The following HERC4 variants were observed in gnomAD, a reference collection of about 807,000 sequenced individuals.
The protein encoded by HERC4 is probable E3 ubiquitin-protein ligase HERC4.
A neutral mutation model predicts 124.3 loss-of-function variants in HERC4; 28 were observed. That is an observed-to-expected ratio of 0.23 (90% CI 0.17 to 0.31). The LOEUF is 0.31. HERC4 is among the 10% of genes least tolerant of loss of function. The probability of loss-of-function intolerance (pLI) is 1.00; values close to 1 mark genes in which losing one functional copy is unlikely to be tolerated. For missense variants in HERC4, 713 were observed against 1,229.3 expected (o/e 0.58, Z 6.28); for synonymous variants, 407 against 421.5 (o/e 0.97, Z 0.42).
At chr10:67,955,388 A>C (rs1365551715) in intron 17 of HERC4, 1 of 284,100 alleles carries the variant, frequency 3.5e-6, no homozygotes, top group African/African-American at 2.2e-5. Flanking sequence ...GAACGGTAGT[A>C]ATACTGATAA....
rs1296434929 is a variant in HERC4, at chr10:67,932,734, C to T, written c.2701G>A (p.Val901Met). ...AYVDYIFNKS[V>M]ASLFDAFHAG... The stretch of plus-strand genomic sequence containing the variant: ...TGAAAAGCATCAAATAAGGAAGCCA[C>T]TGATTTATTGAATATGTAATCCACA... The change falls in exon 23 of 25, where the codon GTG (valine) becomes ATG (methionine). Residue 901 changes from valine to methionine, a missense_variant. By Grantham distance (21) the Val-to-Met change is conservative. Transcript: ENST00000373700. 1.2e-6 allele frequency: 2 copies of T among 1,604,604 alleles called. No homozygotes were observed. The highest frequency in any genetic ancestry group is 2.2e-5 in the East Asian group (1 of 44,658).
chr10:68,010,490 C>G, intron 9 of HERC4: 1 of 956,584 alleles, frequency 1.0e-6, no homozygotes, highest in East Asian at 2.6e-5. Flanking sequence ...CCTTCTAGAG[C>G]CCAAGCTGCT....
chr10:67,973,473 T>C (rs1314541557), intron 15 of HERC4, among the ~76,000 whole-genome samples: 3 of 152,260 alleles, frequency 2.0e-5, no homozygotes, highest in African/African-American at 2.4e-5. Context: ...AGTTCTGGCA[T>C]GTTTTGTTAC....
At chr10:68,014,233 C>T (rs773012819) in intron 8 of HERC4, 47 bp from the exon 9 acceptor site, 10 of 1,426,502 alleles carry the variant, frequency 7.0e-6, no homozygotes, top group Non-Finnish European at 9.3e-6. Flanking sequence ...TACCTTCCAA[C>T]AATTTACAAT....
intron 9 of HERC4, among the ~76,000 whole-genome samples, chr10:68,011,459 G>A (rs2037949692): frequency 6.6e-6 from 1 of 152,186 alleles, no homozygotes; most frequent in Non-Finnish European, 1.5e-5. Flanking sequence ...ATTACTCCTT[G>A]TTCCTACAGC....
chr10:68,010,180 C>A, intron 9 of HERC4: 1 of 1,045,056 alleles, frequency 9.6e-7, no homozygotes, highest in Non-Finnish European at 1.4e-6. Context: ...CTCCCTGTAT[C>A]CCATTCCTAG....
intron 9 of HERC4, among the ~76,000 whole-genome samples, chr10:68,012,021 T>G (rs1181278311): frequency 6.6e-6 from 1 of 152,230 alleles, no homozygotes; most frequent in Admixed American, 6.5e-5. Flanking sequence ...GGAGATGGCT[T>G]CTTTCCTTAA....
intron 3 of HERC4, among the ~76,000 whole-genome samples, chr10:68,057,069 C>T (rs962806787): frequency 2.6e-5 from 4 of 152,000 alleles, no homozygotes; most frequent in African/African-American, 9.7e-5. Flanking sequence ...TTTTGTTCTC[C>T]ACAACTTAAC....
rs576216407 is a variant in HERC4 at position 68,040,543 on chromosome 10, G to T, written c.387-2374C>A. 6.9e-6 allele frequency: 4 copies of T among 581,010 alleles called. No individual in the cohort carries two copies. In the African/African-American group the frequency reaches 8.1e-5, roughly 12 times the overall value. 36.0% of individuals were successfully genotyped at this position (581,010 alleles called of 1,614,324 possible). A position where few individuals can be genotyped will look rare whatever the true frequency, so the allele number is the denominator to read the frequency against. ...GTAATCCCCTTTGTCACATAAAAAA[G>T]ATAATGTGTTTAATCATTTCTAATT... On this transcript the variant is annotated intron_variant, in intron 4 of 24. Coordinates refer to ENST00000373700, the MANE Select transcript of HERC4 (RefSeq NM_015601.4).
chr10:68,048,831 G>A (rs1326722277), intron 3 of HERC4, among the ~76,000 whole-genome samples: 5 of 151,708 alleles, frequency 3.3e-5, no homozygotes, highest in Non-Finnish European at 7.4e-5. Context: ...AAAAAGAAAG[G>A]GTATTTTTTA....
chr10:67,931,027 C>T lies in HERC4; in HGVS notation c.2838+1570G>A, dbSNP rs540761040. ...TTGAGATGGAGTCTTGCTCTGTTGC[C>T]TGGGCTGGAGTGCAGTGGCGCAATC... On this transcript the variant is annotated intron_variant, in intron 23 of 24. Coordinates refer to ENST00000373700, the MANE Select transcript of HERC4 (RefSeq NM_015601.4). Among the ~76,000 whole-genome samples, 131 of 152,150 alleles carry T rather than the reference C, an allele frequency of 8.6e-4. 1 individual carries two copies. The highest frequency in any genetic ancestry group is 2.7e-3 in the African/African-American group (113 of 41,504).
intron 23 of HERC4, among the ~76,000 whole-genome samples, chr10:67,930,792 G>C (rs1018439732): frequency 3.3e-5 from 5 of 152,166 alleles, no homozygotes; most frequent in Non-Finnish European, 7.4e-5. Context: ...TGATTCTTGT[G>C]TCTCAGCCTC....
intron 8 of HERC4, among the ~76,000 whole-genome samples, chr10:68,023,567 AT>A (rs2038753016): frequency 6.6e-6 from 1 of 152,166 alleles, no homozygotes; most frequent in Admixed American, 6.5e-5. Flanking sequence ...ATAGGGAGTC[AT>A]TGTTTAATGG....
intron 4 of HERC4, among the ~76,000 whole-genome samples, chr10:68,041,646 AC>A (rs1320981127): frequency 1.3e-5 from 2 of 152,204 alleles, no homozygotes; most frequent in East Asian, 3.8e-4. Flanking sequence ...AAGATAAACT[AC>A]ATCTTTATTG....
At chr10:67,940,631 C>T (rs1020232334) in intron 20 of HERC4, among the ~76,000 whole-genome samples, 2 of 151,996 alleles carry the variant, frequency 1.3e-5, no homozygotes, top group African/African-American at 4.8e-5. Flanking sequence ...GTTGGTCATA[C>T]TAGTCTCGAA....
intron 3 of HERC4, among the ~76,000 whole-genome samples, chr10:68,066,399 G>C (rs546094956): frequency 6.6e-6 from 1 of 152,166 alleles, no homozygotes; most frequent in Non-Finnish European, 1.5e-5. Flanking sequence ...CCACACTGCT[G>C]ATCTTTTAAG....
intron 7 of HERC4, 45 bp from the exon 8 acceptor site, chr10:68,025,721 G>C (rs1209780816): frequency 6.5e-6 from 10 of 1,542,292 alleles, no homozygotes; most frequent in Non-Finnish European, 8.7e-6. Context: ...CATGATAAAA[G>C]AAAATAACTG....
chr10:67,961,371 G>C (rs560544525), intron 16 of HERC4: 1 of 152,424 alleles, frequency 6.6e-6, no homozygotes, highest in African/African-American at 2.4e-5. Flanking sequence ...AACACAGCAC[G>C]TGCTTTCATA....
chr10:68,002,619 G>A (rs2037299185), intron 9 of HERC4, among the ~76,000 whole-genome samples: 1 of 118,706 alleles, frequency 8.4e-6, no homozygotes, highest in African/African-American at 2.9e-5. Flanking sequence ...TTTTTTTTGA[G>A]ATGGATTCTC....
Sources: gnomAD v4.1 joint callset for allele counts (sites outside exome capture counted in the v4.1 genomes callset) on GRCh38, gnomAD v4.1.1 for gene constraint, MANE v1.5 for transcripts, NCBI Gene and HGNC (gene_info 2026-07-23, HGNC 2026-07-21) for gene names.